The following WDTC1 variants were observed in gnomAD, a reference collection of about 807,000 sequenced individuals.
WDTC1 encodes the protein WD and tetratricopeptide repeats protein 1.
WDTC1 carries 12 observed loss-of-function variants against 76.0 expected under a neutral mutation model. That is an observed-to-expected ratio of 0.16 (90% CI 0.10 to 0.26). The LOEUF is 0.26. Among genes scored for constraint, WDTC1 ranks in the 10% least tolerant of loss-of-function variants. WDTC1 has a pLI of 1.00. For missense variants in WDTC1, 511 were observed against 908.8 expected, an observed-to-expected ratio of 0.56 and a Z score of 5.63; for synonymous variants, 326 against 350.8, an observed-to-expected ratio of 0.93 and a Z score of 0.79.
Position 27,297,028 on chromosome 1 carries a change from TTC to T in WDTC1, c.950-17_950-16del, listed in dbSNP as rs766608800. 2 of 1,612,562 alleles carry T rather than the reference TTC, an allele frequency of 1.2e-6. No homozygotes were observed. Among genetic ancestry groups the T allele is most frequent in the Admixed American group, 3.3e-5 (2 of 59,978 alleles). On this transcript the variant is annotated intron_variant, in intron 10 of 15. Transcript: ENST00000319394. ...CTCTTCCTGAGTTGTTGCTGTCACT[TTC>T]TCACTATCTCCTGCCAGAAGTCCAG...
At chr1:27,282,356 C>T in intron 4 of WDTC1, 71 bp downstream of exon 4, 1 of 1,476,442 alleles carries the variant, frequency 6.8e-7, no homozygotes, top group Non-Finnish European at 9.4e-7. Context: ...CAAGGCTCCT[C>T]CTGAGAGGAT....
Position 27,303,737 on chromosome 1 carries a change from C to T in WDTC1, c.1585C>T (p.Arg529Cys), listed in dbSNP as rs758639908. ...GGAGCGAAGCTACGACTATCAGTTC[C>T]GCTACTGCGGCCACTGCAACACCAC... ...LRERSYDYQF[R>C]YCGHCNTTTD... The change falls in exon 14 of 16, where the codon CGC becomes TGC. Residue 529 changes from arginine (R) to cysteine (C), a missense_variant. Physicochemically the swap from Arg to Cys is radical, Grantham distance 180. Transcript: ENST00000319394. The surrounding 1 kb of genome is among the most constrained non-coding windows in gnomAD (Gnocchi z 4.8). The T allele has an allele frequency of 1.2e-6, 2 of 1,614,000 alleles. No individual in the cohort carries two copies. Among genetic ancestry groups the T allele is most frequent in the East Asian group, 2.2e-5 (1 of 44,878 alleles).
intron 1 of WDTC1, among the ~76,000 whole-genome samples, chr1:27,257,751 T>C (rs952711204): frequency 6.6e-6 from 1 of 152,024 alleles, no homozygotes; most frequent in South Asian, 2.1e-4. Flanking sequence ...TGCTGAATGG[T>C]TTCATGTTGT....
chr1:27,294,230 A>T, intron 8 of WDTC1, 114 bp downstream of exon 8: 1 of 1,138,120 alleles, frequency 8.8e-7, no homozygotes, highest in Non-Finnish European at 1.2e-6. Context: ...TTAGAGTCAG[A>T]CAGACCTGAG....
rs1377205474 is a variant in WDTC1, at chr1:27,274,082, A to G, written c.133-8157A>G. 6.6e-6 allele frequency among the ~76,000 whole-genome samples: 1 copy of G among 152,110 alleles called. No individual in the cohort carries two copies. The highest frequency in any genetic ancestry group is 2.4e-5 in the African/African-American group (1 of 41,412). On this transcript the variant is annotated intron_variant, in intron 3 of 15. Coordinates refer to ENST00000319394, the MANE Select transcript of WDTC1 (RefSeq NM_001276252.2). This position sits in a 1 kb window ranked among gnomAD's most constrained non-coding sequence, Gnocchi z 4.2. ...TGAGGTGGGAGGATCACTTGAGCCC[A>G]GAATTGTGACCAGCCTGGGCAACAT...
At chr1:27,270,996 G>A (rs1375573821) in intron 3 of WDTC1, among the ~76,000 whole-genome samples, 2 of 152,080 alleles carry the variant, frequency 1.3e-5, no homozygotes, top group African/African-American at 2.4e-5. Context: ...CCATATGCTT[G>A]AGGGCCATTT....
rs569269386 is a variant in WDTC1, at chr1:27,245,291, CATT to C, written c.-100+10341_-100+10343del. Among the ~76,000 whole-genome samples, 422 of 151,906 alleles carry C rather than the reference CATT, an allele frequency of 2.8e-3. 19 individuals are homozygous for C. The highest frequency in any genetic ancestry group is 9.6e-3 in the African/African-American group (397 of 41,222). On this transcript the variant is annotated intron_variant, in intron 1 of 15. Transcript: ENST00000319394. ...CAAAAGTGCTTTGATAGGTATAAAA[CATT>C]GTGTGTAAGGCAGTCATGCCATTAT... is the stretch of plus-strand genomic sequence containing the variant.
intron 3 of WDTC1, among the ~76,000 whole-genome samples, chr1:27,263,571 C>T (rs770049913): frequency 6.6e-6 from 1 of 152,110 alleles, no homozygotes; most frequent in Non-Finnish European, 1.5e-5. Context: ...GTAGCTGGGA[C>T]TACAGGCGCC....
chr1:27,282,440 C>T (rs1239253702), intron 4 of WDTC1, among the ~76,000 whole-genome samples, 155 bp downstream of exon 4: 2 of 152,172 alleles, frequency 1.3e-5, no homozygotes, highest in Non-Finnish European at 2.9e-5. Context: ...CCATAATTTT[C>T]AACACAATTA....
At chr1:27,282,588 C>G (rs533569224) in intron 4 of WDTC1, among the ~76,000 whole-genome samples, 110 of 152,152 alleles carry the variant, frequency 7.2e-4, no homozygotes, top group Middle Eastern at 3.4e-3. Context: ...CTGCAACCTC[C>G]GCCTTTCAGG....
intron 9 of WDTC1, 69 bp downstream of exon 9, chr1:27,294,698 A>T: frequency 7.4e-7 from 1 of 1,347,270 alleles, no homozygotes; most frequent in East Asian, 2.4e-5. Flanking sequence ...CATGTACCTT[A>T]TGTTCACTGC....
rs2013826704 is a variant in WDTC1 at position 27,301,292 on chromosome 1, G to A, written c.1299G>A (p.Leu433=). The change falls in exon 13 of 16, where the codon CTG becomes CTA. Residue 433 remains leucine (L), a synonymous_variant. Transcript: ENST00000319394. This position sits in a 1 kb window ranked among gnomAD's most constrained non-coding sequence, Gnocchi z 5.8. ...CCATCTCCCTAAACCCATGCCACCT[G>A]AAGGCACACTTTCGCCTGGCCCGCT... ...LKAISLNPCH[L]KAHFRLARCL... 1 of 1,614,094 alleles carries A rather than the reference G, an allele frequency of 6.2e-7. No individual in the cohort carries two copies. Among genetic ancestry groups the A allele is most frequent in the Non-Finnish European group, 8.5e-7 (1 of 1,180,050 alleles).
chr1:27,251,261 T>G (rs2012050203), intron 1 of WDTC1, among the ~76,000 whole-genome samples: 1 of 151,652 alleles, frequency 6.6e-6, no homozygotes, highest in Admixed American at 6.6e-5. Flanking sequence ...TTTTCCAGTA[T>G]TCTAAGTTAA....
In WDTC1 at chr1:27,306,386, C is replaced by A. The variant is rs201985739; in HGVS notation, c.*3C>A. On this transcript the variant is annotated 3_prime_UTR_variant, in exon 16 of 16. Coordinates refer to ENST00000319394, the MANE Select transcript of WDTC1 (RefSeq NM_001276252.2). The surrounding 1 kb of genome is among the most constrained non-coding windows in gnomAD (Gnocchi z 5.0). ...AGGTGCAGTGCCGGCCCAGCTAGAC[C>A]CTCCAGCCCTGGTCCCCAGCCCCTG... The A allele has an allele frequency of 2.2e-5, 36 of 1,609,938 alleles. No individual in the cohort carries two copies. The African/African-American group carries it at 3.6e-4, about 16-fold the overall frequency.
At chr1:27,238,880 G>A (rs1299240914) in intron 1 of WDTC1, among the ~76,000 whole-genome samples, 1 of 149,022 alleles carries the variant, frequency 6.7e-6, no homozygotes, top group Non-Finnish European at 1.5e-5. Context: ...TAATTTTTTT[G>A]TATTTTTATT....
intron 2 of WDTC1, among the ~76,000 whole-genome samples, chr1:27,262,866 T>G (rs1330549848): frequency 6.6e-6 from 1 of 152,250 alleles, no homozygotes; most frequent in African/African-American, 2.4e-5. Flanking sequence ...AACCTAAATA[T>G]GGAACTATTC....
intron 6 of WDTC1, among the ~76,000 whole-genome samples, chr1:27,289,277 C>T (rs1483415474): frequency 1.3e-5 from 2 of 149,078 alleles, no homozygotes; most frequent in African/African-American, 2.5e-5. Flanking sequence ...GGGCGGCTGC[C>T]GGGCAGAGGG....
intron 1 of WDTC1, among the ~76,000 whole-genome samples, chr1:27,235,436 G>GTT (rs1231504482): frequency 7.7e-6 from 1 of 130,316 alleles, no homozygotes; most frequent in East Asian, 2.4e-4. Context: ...GTGTGTGTGT[G>GTT]TCCACAGCAG....
At position 27,287,897 on chromosome 1, in the gene WDTC1, C is replaced by T. The variant is rs763699735; in HGVS notation, c.479+36C>T. 15 of 1,591,486 alleles carry T rather than the reference C, an allele frequency of 9.4e-6. 1 individual carries two copies. In the Admixed American group the frequency reaches 2.3e-4, roughly 24 times the overall value. On this transcript the variant is annotated intron_variant, in intron 6 of 15. Coordinates refer to ENST00000319394, the MANE Select transcript of WDTC1 (RefSeq NM_001276252.2). ...GGGGCATCTAGTGGAGCCTGTCGCT[C>T]CCCCATCCCATCATCCTATAGTGTT... is the stretch of plus-strand genomic sequence containing the variant.
Sources: allele counts gnomAD v4.1 joint callset (sites outside exome capture counted in the v4.1 genomes callset), GRCh38; gene constraint gnomAD v4.1.1; non-coding constraint Gnocchi (gnomAD v3.1); transcripts MANE v1.5; gene names NCBI Gene and HGNC (gene_info 2026-07-23, HGNC 2026-07-21).